The following CRYBG3 variants were observed in gnomAD, a reference collection of about 807,000 sequenced individuals.
The protein encoded by CRYBG3 is very large A-kinase anchor protein.
In CRYBG3, 127 loss-of-function variants were observed where a neutral mutation model predicts 244.2. That is an observed-to-expected ratio of 0.52 (90% CI 0.45 to 0.60). The LOEUF (loss-of-function observed/expected upper bound fraction) is 0.60, where lower values mean the gene tolerates loss of function less well. Ranked by LOEUF, CRYBG3 falls within the 20% of genes least tolerant of loss-of-function variation. CRYBG3 has a pLI of 0.00. For synonymous variants in CRYBG3, 1,132 were observed against 1,195.8 expected (o/e 0.95, Z 1.10); for missense variants, 3,325 against 3,442.5 (o/e 0.97, Z 0.85).
intron 3 of CRYBG3, among the ~76,000 whole-genome samples, chr3:97,868,637 C>T (rs1012536026): frequency 5.9e-5 from 9 of 152,104 alleles, no homozygotes; most frequent in Non-Finnish European, 1.0e-4. Flanking sequence ...TGAAAGTACT[C>T]AGAAAGCCCT....
intron 2 of CRYBG3, among the ~76,000 whole-genome samples, chr3:97,862,025 T>C (rs910045548): frequency 6.6e-6 from 1 of 152,244 alleles, no homozygotes; most frequent in Admixed American, 6.5e-5. Flanking sequence ...AAAAATACTC[T>C]TTAGTAAACT....
At chr3:97,905,617 T>G (rs1172216486) in intron 15 of CRYBG3, among the ~76,000 whole-genome samples, 2 of 150,820 alleles carry the variant, frequency 1.3e-5, no homozygotes, top group East Asian at 3.9e-4. Flanking sequence ...TAAATTTGTT[T>G]GAGTTCATTG....
intron 18 of CRYBG3, among the ~76,000 whole-genome samples, chr3:97,936,523 T>C (rs375732676): frequency 5.1e-4 from 77 of 152,144 alleles, no homozygotes; most frequent in African/African-American, 1.7e-3. Flanking sequence ...CAAAGAAATA[T>C]AGGATTTCAG....
chr3:97,847,379 A>C (rs2038919199), intron 2 of CRYBG3, among the ~76,000 whole-genome samples: 1 of 152,218 alleles, frequency 6.6e-6, no homozygotes, highest in Admixed American at 6.5e-5. Context: ...TGTTAAACAG[A>C]ATTTGTATCC....
intron 2 of CRYBG3, among the ~76,000 whole-genome samples, chr3:97,857,450 A>G (rs2039083022): frequency 1.3e-5 from 2 of 148,934 alleles, no homozygotes; most frequent in South Asian, 4.2e-4. Context: ...AGATATGTCC[A>G]AAGTTGAGAG....
At chr3:97,857,618 CTT>C (rs2039085399) in intron 2 of CRYBG3, among the ~76,000 whole-genome samples, 2 of 151,904 alleles carry the variant, frequency 1.3e-5, no homozygotes, top group South Asian at 2.1e-4. Flanking sequence ...TTCTTTGTCT[CTT>C]TTTGCAGTTT....
intron 2 of CRYBG3, among the ~76,000 whole-genome samples, chr3:97,856,751 C>T (rs1050910761): frequency 1.4e-4 from 22 of 151,920 alleles, no homozygotes; most frequent in African/African-American, 5.1e-4. Flanking sequence ...ATGGTGGTAT[C>T]GGTCATCATG....
Position 97,874,421 on chromosome 3 carries a change from C to A in CRYBG3, c.3227C>A (p.Ser1076Ter). Residue 1076 changes from serine to a stop codon, truncating the protein, a stop_gained, in exon 4 of 22, where the codon TCA becomes TAA. Transcript: ENST00000389622. LOFTEE classifies it high-confidence loss of function. ...GAAGAAGTTAGCATGATAGTAAATT[C>A]ACATAAGCCCCAAAATAATTTGGAT... is the stretch of plus-strand genomic sequence containing the variant. ...YPEEVSMIVN[S>*]HKPQNNLDSI... The A allele has an allele frequency of 6.5e-7, 1 of 1,535,066 alleles. No homozygotes were observed. Among genetic ancestry groups the A allele is most frequent in the South Asian group, 1.2e-5 (1 of 83,736 alleles).
At chr3:97,919,525 CTT>C (rs2039961231) in intron 17 of CRYBG3, among the ~76,000 whole-genome samples, 1 of 151,934 alleles carries the variant, frequency 6.6e-6, no homozygotes, top group African/African-American at 2.4e-5. Flanking sequence ...ATTGTCTTCT[CTT>C]TAAGTTTTTC....
In CRYBG3 at chr3:97,874,179, T is replaced by C. The variant is rs2039341945; in HGVS notation, c.2985T>C (p.Pro995=). ...AACTCAGCTTAACTAATATTTCCCC[T>C]AAATTCCAAGAAACTGGCAGCATGA... ...MAELSLTNIS[P]KFQETGSMKV... is the part of the protein sequence containing the mutation. The change falls in exon 4 of 22, where the codon CCT becomes CCC. Residue 995 remains proline (P), a synonymous_variant. Coordinates refer to ENST00000389622, the MANE Select transcript of CRYBG3 (RefSeq NM_153605.4). The C allele has an allele frequency of 6.5e-7, 1 of 1,529,900 alleles. No individual in the cohort carries two copies. Among genetic ancestry groups the C allele is most frequent in the Admixed American group, 2.0e-5 (1 of 49,494 alleles). 94.8% of individuals were successfully genotyped at this position (1,529,900 alleles called of 1,614,324 possible).
intron 2 of CRYBG3, among the ~76,000 whole-genome samples, chr3:97,857,667 GA>G (rs1335025458): frequency 6.6e-6 from 1 of 151,888 alleles, no homozygotes; most frequent in Non-Finnish European, 1.5e-5. Flanking sequence ...CATTTGTATG[GA>G]ATGTCTTTTT....
chr3:97,940,933 AC>A (rs1327091067), intron 19 of CRYBG3, among the ~76,000 whole-genome samples: 1 of 151,946 alleles, frequency 6.6e-6, no homozygotes, highest in East Asian at 1.9e-4. Flanking sequence ...GGCACTTTTC[AC>A]AAAGTGTAAT....
Position 97,872,282 on chromosome 3 carries a change from A to G in CRYBG3, c.1088A>G (p.Gln363Arg). 6.5e-7 allele frequency: 1 copy of G among 1,535,936 alleles called. No individual in the cohort carries two copies. Among genetic ancestry groups the G allele is most frequent in the Non-Finnish European group, 8.7e-7 (1 of 1,146,756 alleles). Reference sequence around the variant, plus strand: ...AGCTACGATGGAGAATCTGACTCACAGCACCATTTAAGTTGTGAACCGGTT... The same window carrying G: ...AGCTACGATGGAGAATCTGACTCACGGCACCATTTAAGTTGTGAACCGGTT... ...NSSYDGESDSQHHLSCEPVSQ... is the reference protein window; with the variant it reads ...NSSYDGESDSRHHLSCEPVSQ... The change falls in exon 4 of 22, where the codon CAG becomes CGG. Residue 363 changes from glutamine (Q) to arginine (R), a missense_variant. This residue lies in a region of CRYBG3 where 1,526 missense variants were observed against 1,443.2 expected (regional missense o/e 1.06). Transcript: ENST00000389622.
chr3:97,841,262 A>G (rs573924293), intron 1 of CRYBG3, among the ~76,000 whole-genome samples: 1 of 140,612 alleles, frequency 7.1e-6, no homozygotes, highest in African/African-American at 2.8e-5. Context: ...ATATATGTGT[A>G]TACACATATA....
At chr3:97,859,346 G>A (rs185544454) in intron 2 of CRYBG3, among the ~76,000 whole-genome samples, 1 of 152,114 alleles carries the variant, frequency 6.6e-6, no homozygotes, top group Admixed American at 6.5e-5. Flanking sequence ...GGGCAACATT[G>A]TCTACATGTT....
intron 15 of CRYBG3, among the ~76,000 whole-genome samples, chr3:97,907,671 A>G (rs555327233): frequency 1.3e-5 from 2 of 149,746 alleles, no homozygotes; most frequent in African/African-American, 4.9e-5. Context: ...CGGTCTATCA[A>G]TTTTGTTGAT....
chr3:97,920,842 T>G (rs1179937426), intron 17 of CRYBG3, among the ~76,000 whole-genome samples: 2 of 152,178 alleles, frequency 1.3e-5, no homozygotes, highest in Non-Finnish European at 2.9e-5. Flanking sequence ...ATGATATGTC[T>G]TAAGCTTTTC....
At position 97,886,771 on chromosome 3, in the gene CRYBG3, C is replaced by A; in HGVS notation, c.7289+4C>A. 6.4e-7 allele frequency: 1 copy of A among 1,563,892 alleles called. No individual in the cohort carries two copies. Among genetic ancestry groups the A allele is most frequent in the Non-Finnish European group, 8.6e-7 (1 of 1,161,792 alleles). On this transcript the variant is annotated splice_donor_region_variant and intron_variant, in intron 8 of 21. Transcript: ENST00000389622. The stretch of plus-strand genomic sequence containing the variant: ...CCTTCACTGTGAAGTCAGGAGTGTA[C>A]GTATCAGTTCCTTTTTATTATAGTG...
Position 97,874,882 on chromosome 3 carries a change from A to G in CRYBG3, c.3688A>G (p.Ile1230Val), listed in dbSNP as rs1162144653. The change falls in exon 4 of 22, where the codon ATA (isoleucine) becomes GTA (valine). Residue 1230 changes from isoleucine to valine, a missense_variant. Physicochemically the swap from Ile to Val is conservative, Grantham distance 29. This residue lies in a region of CRYBG3 where 1,526 missense variants were observed against 1,443.2 expected (regional missense o/e 1.06). Transcript: ENST00000389622. ...GAGTACCTGCCAGGAGCATATAGCC[A>G]TAGAAGGTATAATGAATCTGGGTAC... ...TVSTCQEHIAIEGIMNLGTLK... is the reference protein window; with the variant it reads ...TVSTCQEHIAVEGIMNLGTLK... 1.3e-6 allele frequency: 2 copies of G among 1,535,194 alleles called. No individual in the cohort carries two copies. The highest frequency in any genetic ancestry group is 2.7e-5 in the African/African-American group (2 of 72,976).
Sources: allele counts gnomAD v4.1 joint callset (sites outside exome capture counted in the v4.1 genomes callset), GRCh38; gene constraint gnomAD v4.1.1; regional missense constraint gnomAD v4.1.1; transcripts MANE v1.5; gene names NCBI Gene and HGNC (gene_info 2026-07-23, HGNC 2026-07-21).